EEPD1: variants seen among roughly 807,000 people sequenced by gnomAD.
The protein encoded by EEPD1 is endonuclease/exonuclease/phosphatase family domain containing 1, also known as endonuclease/exonuclease/phosphatase family domain-containing protein 1.
EEPD1 carries 17 observed loss-of-function variants against 46.3 expected under a neutral mutation model. The observed-to-expected ratio is 0.37, with a 90% CI of 0.25 to 0.55. The LOEUF (loss-of-function observed/expected upper bound fraction) is 0.55. Ranked by LOEUF, EEPD1 falls within the 20% of genes least tolerant of loss-of-function variation. The pLI, the probability that EEPD1 is intolerant of heterozygous loss-of-function variation, is 0.83. For synonymous variants in EEPD1, 313 were observed against 315.6 expected (o/e 0.99, Z 0.09); for missense variants, 673 against 745.6 (o/e 0.90, Z 1.13).
chr7:36,239,183 T>C, intron 3 of EEPD1, 147 bp downstream of exon 3: 1 of 834,578 alleles, frequency 1.2e-6, no homozygotes, highest in East Asian at 2.7e-5. Context: ...CATGCAGAAT[T>C]TTAATCTGAG....
At chr7:36,295,535 G>A (rs576384201) in intron 6 of EEPD1, among the ~76,000 whole-genome samples, 3 of 151,678 alleles carry the variant, frequency 2.0e-5, no homozygotes, top group Admixed American at 2.0e-4. Context: ...AAAGGAGGGG[G>A]AGCACAACTT....
chr7:36,174,519 CCCTACCCATGTTA>C (rs1785143221), intron 2 of EEPD1, among the ~76,000 whole-genome samples: 1 of 152,202 alleles, frequency 6.6e-6, no homozygotes, highest in Non-Finnish European at 1.5e-5. Context: ...ATTACTGCCT[CCCTACCCATGTTA>C]CACAGGCCCT....
At chr7:36,160,676 T>TTGGG (rs1784888306) in intron 2 of EEPD1, among the ~76,000 whole-genome samples, 1 of 36,494 alleles carries the variant, frequency 2.7e-5, no homozygotes, top group Admixed American at 2.2e-4. Flanking sequence ...TGGGAGGTGG[T>TTGGG]GGGGGGCGGG....
chr7:36,186,825 C>G (rs1785365513), intron 2 of EEPD1, among the ~76,000 whole-genome samples: 1 of 152,200 alleles, frequency 6.6e-6, no homozygotes, highest in Non-Finnish European at 1.5e-5. Context: ...AGCAGTCTTA[C>G]AAACTATTAT....
chr7:36,273,129 TACACACACACACAC>T (rs10578694), intron 3 of EEPD1, among the ~76,000 whole-genome samples: 4 of 148,438 alleles, frequency 2.7e-5, no homozygotes, highest in South Asian at 2.2e-4. Context: ...GGTGCATGCT[TACACACACACACAC>T]ACACACACAC....
At chr7:36,258,263 A>C (rs1196444173) in intron 3 of EEPD1, among the ~76,000 whole-genome samples, 2 of 152,028 alleles carry the variant, frequency 1.3e-5, no homozygotes. Flanking sequence ...GTGTCTGTCA[A>C]CCCCTGCTGG....
At chr7:36,285,356 C>T (rs967762219) in intron 5 of EEPD1, among the ~76,000 whole-genome samples, 1 of 152,094 alleles carries the variant, frequency 6.6e-6, no homozygotes, top group Non-Finnish European at 1.5e-5. Context: ...GGAGAAAGGC[C>T]TCTCAAGGGG....
intron 3 of EEPD1, among the ~76,000 whole-genome samples, chr7:36,276,093 G>T (rs1787178999): frequency 6.6e-6 from 1 of 152,160 alleles, no homozygotes; most frequent in South Asian, 2.1e-4. Flanking sequence ...TTGAATAGGG[G>T]CTGGGTAACC....
At chr7:36,179,136 T>C (rs1438020280) in intron 2 of EEPD1, among the ~76,000 whole-genome samples, 2 of 152,224 alleles carry the variant, frequency 1.3e-5, no homozygotes, top group African/African-American at 4.8e-5. Context: ...TACATTTGAG[T>C]GAAGCAATGT....
At chr7:36,285,456 G>A (rs1787329403) in intron 5 of EEPD1, among the ~76,000 whole-genome samples, 2 of 152,168 alleles carry the variant, frequency 1.3e-5, no homozygotes. Context: ...GGGAATCTCT[G>A]TCCCCCCAGC....
intron 2 of EEPD1, among the ~76,000 whole-genome samples, chr7:36,199,895 G>T (rs1785685859): frequency 6.6e-6 from 1 of 152,146 alleles, no homozygotes; most frequent in Admixed American, 6.5e-5. Flanking sequence ...TGTTGAATGG[G>T]ATTGTCCCGA....
chr7:36,285,026 GC>G (rs1423561533), intron 5 of EEPD1, among the ~76,000 whole-genome samples: 1 of 152,200 alleles, frequency 6.6e-6, no homozygotes, highest in Non-Finnish European at 1.5e-5. Flanking sequence ...TTTTGAGACA[GC>G]CCCAGTAACT....
chr7:36,243,524 C>T (rs946222168), intron 3 of EEPD1, among the ~76,000 whole-genome samples: 1 of 152,062 alleles, frequency 6.6e-6, no homozygotes, highest in African/African-American at 2.4e-5. Context: ...AAATGACAAC[C>T]GGCCTTTGAG....
rs145869306 is a variant in EEPD1, at chr7:36,176,534, G to A, written c.878+21332G>A. 2.6e-5 allele frequency among the ~76,000 whole-genome samples: 4 copies of A among 152,300 alleles called. No individual in the cohort carries two copies. In the East Asian group the frequency reaches 5.8e-4, roughly 22 times the overall value. ...GCGCTATGATAGCTGTGAACATGCAGGTAAAGTATTCTCAGGGTTGGTGAT... is the reference window on the plus strand; with the variant it reads ...GCGCTATGATAGCTGTGAACATGCAAGTAAAGTATTCTCAGGGTTGGTGAT... On this transcript the variant is annotated intron_variant, in intron 2 of 7. Coordinates refer to ENST00000242108, the MANE Select transcript of EEPD1 (RefSeq NM_030636.3).
At chr7:36,250,222 A>T (rs1039804900) in intron 3 of EEPD1, among the ~76,000 whole-genome samples, 2 of 152,250 alleles carry the variant, frequency 1.3e-5, no homozygotes, top group African/African-American at 4.8e-5. Context: ...ACCCTGCCTC[A>T]AAAGAAAAAA....
chr7:36,296,030 CAAAAAAA>C (rs34494609), intron 6 of EEPD1, among the ~76,000 whole-genome samples: 5 of 71,952 alleles, frequency 6.9e-5, no homozygotes, highest in East Asian at 8.9e-4. Flanking sequence ...GACTGTCTCA[CAAAAAAA>C]AAAAAAAAAA....
In EEPD1 at chr7:36,297,006, C is replaced by T; in HGVS notation, c.1329C>T (p.Val443=). Residue 443 remains valine (V), a synonymous_variant, in exon 7 of 8, where the codon GTC becomes GTT. Transcript: ENST00000242108. ...TTCCACTTCCAGGAGAAAAGGATGT[C>T]ATTATCTTAGGGGATTTTGGCCAAG... ...LQETLKGEKD[V]IILGDFGQGP... The T allele has an allele frequency of 2.5e-6, 4 of 1,614,092 alleles. No individual in the cohort carries two copies. Among genetic ancestry groups the T allele is most frequent in the African/African-American group, 1.3e-5 (1 of 75,026 alleles).
chr7:36,208,005 G>A (rs1039245998), intron 2 of EEPD1, among the ~76,000 whole-genome samples: 9 of 151,950 alleles, frequency 5.9e-5, no homozygotes, highest in Non-Finnish European at 7.4e-5. Flanking sequence ...TGAAGCCTGC[G>A]GCCCTCCAGG....
At chr7:36,174,610 A>G (rs764544655) in intron 2 of EEPD1, among the ~76,000 whole-genome samples, 1 of 152,078 alleles carries the variant, frequency 6.6e-6, no homozygotes, top group Non-Finnish European at 1.5e-5. Flanking sequence ...ATCAGTGTGT[A>G]TTTCCAGAGC....
Sources: allele counts gnomAD v4.1 joint callset (sites outside exome capture counted in the v4.1 genomes callset), GRCh38; gene constraint gnomAD v4.1.1; transcripts MANE v1.5; gene names NCBI Gene and HGNC (gene_info 2026-07-23, HGNC 2026-07-21).